Variants in SUGCT observed in about 807,000 individuals in gnomAD.
SUGCT encodes the protein succinyl-CoA:glutarate CoA-transferase.
SUGCT carries 41 observed loss-of-function variants against 55.0 expected under a neutral mutation model. The ratio of observed to expected loss-of-function variants is 0.74; its 90% CI spans 0.58 to 0.97. SUGCT has a LOEUF of 0.97. Among genes scored for constraint, SUGCT ranks in the 50% least tolerant of loss-of-function variants. The probability of loss-of-function intolerance (pLI) is 0.00; values close to 1 mark genes in which losing one functional copy is unlikely to be tolerated. For synonymous variants in SUGCT, 187 were observed against 200.4 expected (o/e 0.93, Z 0.56); for missense variants, 568 against 547.8 (o/e 1.04, Z -0.37).
intron 5 of SUGCT, among the ~76,000 whole-genome samples, chr7:40,191,408 T>G (rs1340390018): frequency 1.3e-5 from 2 of 152,214 alleles, no homozygotes; most frequent in Non-Finnish European, 2.9e-5. Context: ...AAGATAATCT[T>G]TAATTATTAA....
At chr7:40,492,803 C>T (rs1458770042) in intron 11 of SUGCT, among the ~76,000 whole-genome samples, 1 of 152,144 alleles carries the variant, frequency 6.6e-6, no homozygotes, top group Non-Finnish European at 1.5e-5. Context: ...TAAGTTGTTT[C>T]TTCGTAACTT....
At chr7:40,425,425 A>T (rs1409068763) in intron 9 of SUGCT, among the ~76,000 whole-genome samples, 2 of 152,094 alleles carry the variant, frequency 1.3e-5, no homozygotes, top group Non-Finnish European at 2.9e-5. Context: ...ATTTATAGGT[A>T]AAAAAACTGC....
At chr7:40,367,271 G>A (rs1214491053) in intron 9 of SUGCT, among the ~76,000 whole-genome samples, 4 of 133,988 alleles carry the variant, frequency 3.0e-5, no homozygotes, top group South Asian at 2.9e-4. Context: ...GTTGTGGGGT[G>A]GGGGGAGGGG....
chr7:40,401,178 A>G (rs771215580), intron 9 of SUGCT, among the ~76,000 whole-genome samples: 47 of 152,212 alleles, frequency 3.1e-4, no homozygotes, highest in South Asian at 6.2e-4. Context: ...TAAAAATTAT[A>G]GTGTCTGGCC....
chr7:40,736,822 C>G (rs968184042), intron 12 of SUGCT, among the ~76,000 whole-genome samples: 1 of 151,962 alleles, frequency 6.6e-6, no homozygotes, highest in Non-Finnish European at 1.5e-5. Flanking sequence ...ATAAAACCAA[C>G]TTACTAGGAG....
Position 40,496,382 on chromosome 7 carries a change from C to T in SUGCT, c.1085C>T (p.Pro362Leu). The T allele has an allele frequency of 1.9e-6, 3 of 1,609,582 alleles. No homozygotes were observed. In the South Asian group the frequency reaches 3.3e-5, roughly 18 times the overall value. ...AACATGAAGAATGTATTTGCAGAACCTCAGGTTTGTTTTTGAAGTTTAACA... is the reference window on the plus strand; with the variant it reads ...AACATGAAGAATGTATTTGCAGAACTTCAGGTTTGTTTTTGAAGTTTAACA... ...INNMKNVFAE[P>L]QVLHNGLVME... Residue 362 changes from proline to leucine, a missense_variant, in exon 12 of 14, where the codon CCT becomes CTT. Pro to Leu is a moderately conservative substitution (Grantham distance 98, BLOSUM62 -3). Transcript: ENST00000335693.
chr7:40,527,879 C>G (rs995389397), intron 12 of SUGCT, among the ~76,000 whole-genome samples: 2 of 152,178 alleles, frequency 1.3e-5, no homozygotes, highest in African/African-American at 4.8e-5. Flanking sequence ...TCAGTCCATT[C>G]TTTTGTCCTT....
the SUGCT span, among the ~76,000 whole-genome samples, chr7:41,036,065 G>C: frequency 6.6e-6 from 1 of 152,212 alleles, no homozygotes; most frequent in Non-Finnish European, 1.5e-5. Flanking sequence ...AGATCCTTCA[G>C]GGAGGACTCA....
intron 12 of SUGCT, among the ~76,000 whole-genome samples, chr7:40,641,045 T>A (rs1449047345): frequency 1.3e-5 from 2 of 152,190 alleles, no homozygotes; most frequent in Non-Finnish European, 2.9e-5. Context: ...TACAAGAAGT[T>A]CAAATACCCT....
intron 9 of SUGCT, among the ~76,000 whole-genome samples, chr7:40,384,234 G>A (rs1265011112): frequency 2.6e-5 from 4 of 152,138 alleles, no homozygotes; most frequent in Admixed American, 2.0e-4. Context: ...ATAAAGAAAG[G>A]TTGAATGTGA....
chr7:40,149,586 C>T (rs1476130754), intron 1 of SUGCT, among the ~76,000 whole-genome samples: 1 of 152,084 alleles, frequency 6.6e-6, no homozygotes, highest in Non-Finnish European at 1.5e-5. Flanking sequence ...ATTTCGAGAC[C>T]AACCTGGCCA....
chr7:40,275,826 C>A (rs2151003668), intron 8 of SUGCT, among the ~76,000 whole-genome samples: 1 of 152,224 alleles, frequency 6.6e-6, no homozygotes, highest in East Asian at 1.9e-4. Flanking sequence ...AACTCACTGT[C>A]AAAATGACAT....
At chr7:40,434,394 G>A (rs970214844) in intron 9 of SUGCT, among the ~76,000 whole-genome samples, 1 of 151,906 alleles carries the variant, frequency 6.6e-6, no homozygotes, top group Non-Finnish European at 1.5e-5. Context: ...AATAAGGCTG[G>A]TCCCATTTTT....
intron 12 of SUGCT, among the ~76,000 whole-genome samples, chr7:40,667,550 C>T (rs939728998): frequency 2.9e-4 from 43 of 148,304 alleles, no homozygotes; most frequent in Admixed American, 2.2e-3. Context: ...TGGTAGAATT[C>T]GACTATGAAT....
the SUGCT span, among the ~76,000 whole-genome samples, chr7:40,894,880 G>A: frequency 2.0e-5 from 3 of 152,052 alleles, no homozygotes; most frequent in Admixed American, 6.6e-5. Flanking sequence ...AAATTAGTTC[G>A]GCCACGTAGA....
intron 9 of SUGCT, among the ~76,000 whole-genome samples, chr7:40,374,320 A>C (rs1017813912): frequency 6.6e-6 from 1 of 152,152 alleles, no homozygotes; most frequent in Non-Finnish European, 1.5e-5. Flanking sequence ...GTGAGGTGGT[A>C]GGTGGTGTCA....
At chr7:41,032,232 C>G in the SUGCT span, among the ~76,000 whole-genome samples, 59,205 of 151,974 alleles carry the variant, frequency 0.39, 11,924 homozygotes, top group East Asian at 0.48. Flanking sequence ...CTGCTGGTTA[C>G]CTACCTAGTA....
chr7:40,879,823 G>T, the SUGCT span, among the ~76,000 whole-genome samples: 4 of 152,154 alleles, frequency 2.6e-5, no homozygotes, highest in African/African-American at 4.8e-5. Context: ...CTGGGACCCA[G>T]GCTATTTGTG....
At chr7:40,732,574 A>G (rs751444657) in intron 12 of SUGCT, among the ~76,000 whole-genome samples, 1 of 152,130 alleles carries the variant, frequency 6.6e-6, no homozygotes, top group Non-Finnish European at 1.5e-5. Flanking sequence ...CAAAAGCAAA[A>G]TGTCCAAACC....
Sources: gnomAD v4.1 joint callset for allele counts (sites outside exome capture counted in the v4.1 genomes callset) on GRCh38, gnomAD v4.1.1 for gene constraint, MANE v1.5 for transcripts, NCBI Gene and HGNC (gene_info 2026-07-23, HGNC 2026-07-21) for gene names.